PLA2G4C: variants seen among roughly 807,000 people sequenced by gnomAD.
PLA2G4C encodes phospholipase A2 group IVC, also known as cytosolic phospholipase A2 gamma.
Under a neutral mutation model 73.8 loss-of-function variants are expected in PLA2G4C, and 64 were observed. That is an observed-to-expected ratio of 0.87 (90% CI 0.71 to 1.07). PLA2G4C has a LOEUF of 1.07. PLA2G4C is among the 50% of genes least tolerant of loss of function. The probability of loss-of-function intolerance (pLI) is 0.00; values close to 1 mark genes in which losing one functional copy is unlikely to be tolerated. For synonymous variants in PLA2G4C, 254 were observed against 252.1 expected, an observed-to-expected ratio of 1.01 and a Z score of -0.07; for missense variants, 622 against 665.4, an observed-to-expected ratio of 0.93 and a Z score of 0.72.
At chr19:48,051,362 G>A (rs1222616414) in intron 16 of PLA2G4C, among the ~76,000 whole-genome samples, 3 of 152,220 alleles carry the variant, frequency 2.0e-5, no homozygotes, top group Middle Eastern at 3.2e-3. Context: ...ACTGGGTAAC[G>A]TATAAACAAA....
chr19:48,052,723 C>T (rs1351535184), intron 16 of PLA2G4C, among the ~76,000 whole-genome samples: 1 of 152,198 alleles, frequency 6.6e-6, no homozygotes, highest in South Asian at 2.1e-4. Context: ...CCCCCAGCAC[C>T]ATGAGACCAT....
intron 14 of PLA2G4C, among the ~76,000 whole-genome samples, chr19:48,059,764 C>CTTT (rs571325645): frequency 1.6e-5 from 2 of 122,458 alleles, no homozygotes; most frequent in African/African-American, 3.3e-5. Context: ...GGCTTCCCTA[C>CTTT]TTTTTTTTTT....
At position 48,053,045 on chromosome 19, in the gene PLA2G4C, A is replaced by T. The variant is rs773842643; in HGVS notation, c.1532T>A (p.Val511Asp). 1.2e-6 allele frequency: 2 copies of T among 1,613,588 alleles called. No homozygotes were observed. The highest frequency in any genetic ancestry group is 1.7e-6 in the Non-Finnish European group (2 of 1,179,608). The change falls in exon 16 of 17, where the codon GTC becomes GAC. Residue 511 changes from valine to aspartate, a missense_variant. Val to Asp is a radical substitution (Grantham distance 152). Transcript: ENST00000599921. ...AAGGATCTTCTTCTTGTTTTCCCTGACATTCTTCTTGGCTAATGCCAAGAG... is the reference window on the plus strand; with the variant it reads ...AAGGATCTTCTTCTTGTTTTCCCTGTCATTCTTCTTGGCTAATGCCAAGAG... Reference protein sequence around the residue: ...VLLLALAKKNVRENKKKILRE... With the variant: ...VLLLALAKKNDRENKKKILRE...
At chr19:48,087,561 G>A (rs1248514173) in intron 9 of PLA2G4C, among the ~76,000 whole-genome samples, 3 of 152,192 alleles carry the variant, frequency 2.0e-5, no homozygotes, top group Non-Finnish European at 2.9e-5. Context: ...ACTGGATCAC[G>A]AGTGTGTCTG....
intron 14 of PLA2G4C, among the ~76,000 whole-genome samples, chr19:48,060,287 C>G (rs1968121409): frequency 6.6e-6 from 1 of 152,060 alleles, no homozygotes; most frequent in African/African-American, 2.4e-5. Flanking sequence ...ATTTTCCATA[C>G]TCGGTCATTA....
intron 13 of PLA2G4C, among the ~76,000 whole-genome samples, chr19:48,067,329 G>A (rs747732119): frequency 8.6e-5 from 13 of 151,742 alleles, no homozygotes; most frequent in Non-Finnish European, 1.8e-4. Flanking sequence ...CACCCTGTCC[G>A]GCTAATTTTT....
Position 48,055,039 on chromosome 19 carries a change from G to A in PLA2G4C, c.1268C>T (p.Ala423Val). ...SAGDPFETIR[A>V]TTDYCRRHKI... ...GTGGCGGCGGCAGTAGTCAGTGGTA[G>A]CCCGGATGGTCTGAGAAGGAGGCAA... The change falls in exon 15 of 17, where the codon GCT (alanine) becomes GTT (valine). Residue 423 changes from alanine (A) to valine (V), a missense_variant. Transcript: ENST00000599921. The A allele has an allele frequency of 6.2e-7, 1 of 1,607,494 alleles. No homozygotes were observed. The highest frequency in any genetic ancestry group is 8.5e-7 in the Non-Finnish European group (1 of 1,177,336).
intron 10 of PLA2G4C, among the ~76,000 whole-genome samples, chr19:48,082,575 T>A (rs2030658435): frequency 7.2e-6 from 1 of 139,538 alleles, no homozygotes. Context: ...CTCGGCTCAC[T>A]GCAACCCCTG....
intron 16 of PLA2G4C, 85 bp downstream of exon 16, chr19:48,052,912 C>A (rs941221922): frequency 1.4e-6 from 2 of 1,422,834 alleles, no homozygotes; most frequent in Non-Finnish European, 1.9e-6. Flanking sequence ...CCCATGCAAC[C>A]CTCCTGCCTG....
chr19:48,070,022 G>A (rs890268653), intron 12 of PLA2G4C, among the ~76,000 whole-genome samples: 4 of 151,950 alleles, frequency 2.6e-5, no homozygotes, highest in Non-Finnish European at 2.9e-5. Context: ...CACCCACTTC[G>A]GCCTCCCAAA....
chr19:48,089,203 A>G (rs1181213033), intron 8 of PLA2G4C, among the ~76,000 whole-genome samples: 1 of 152,104 alleles, frequency 6.6e-6, no homozygotes, highest in East Asian at 1.9e-4. Context: ...TGAGGCAGTG[A>G]ATCACTTGAG....
intron 12 of PLA2G4C, among the ~76,000 whole-genome samples, chr19:48,069,426 T>A (rs1364120679): frequency 6.6e-6 from 1 of 152,120 alleles, no homozygotes; most frequent in Non-Finnish European, 1.5e-5. Flanking sequence ...GCCAAGTCAG[T>A]CAGGGATAAA....
At chr19:48,086,459 T>C in intron 9 of PLA2G4C, among the ~76,000 whole-genome samples, 1 of 151,740 alleles carries the variant, frequency 6.6e-6, no homozygotes. Context: ...CAGGAGCTGC[T>C]GCTTGCCCTG....
Position 48,048,187 on chromosome 19 carries a change from T to A in PLA2G4C, c.*156A>T. The A allele has an allele frequency of 1.7e-6, 1 of 599,248 alleles. No homozygotes were observed. Among genetic ancestry groups the A allele is most frequent in the South Asian group, 2.1e-5 (1 of 48,198 alleles). The allele number at this position is 599,248 out of a possible 1,614,324, so 37.1% of individuals were successfully genotyped here. A position where few individuals can be genotyped will look rare whatever the true frequency, so the allele number is the denominator to read the frequency against. On this transcript the variant is annotated 3_prime_UTR_variant, in exon 17 of 17. Coordinates refer to ENST00000599921, the MANE Select transcript of PLA2G4C (RefSeq NM_003706.3). ...GAATGACGCTATCAAAATCACAGTC[T>A]AGCTGGTCACTGGTGATTGGCCCTG...
intron 10 of PLA2G4C, among the ~76,000 whole-genome samples, chr19:48,078,177 T>A (rs1230362360): frequency 6.6e-6 from 1 of 152,154 alleles, no homozygotes. Context: ...CCCTTTATGA[T>A]TAAAGCCCTC....
intron 13 of PLA2G4C, among the ~76,000 whole-genome samples, chr19:48,063,046 T>G (rs780923019): frequency 5.9e-5 from 9 of 152,050 alleles, no homozygotes; most frequent in African/African-American, 2.2e-4. Flanking sequence ...AAGTGAATGG[T>G]TGCATTCTTT....
chr19:48,058,011 T>G (rs1234253098), intron 14 of PLA2G4C, among the ~76,000 whole-genome samples: 1 of 151,096 alleles, frequency 6.6e-6, no homozygotes, highest in Non-Finnish European at 1.5e-5. Flanking sequence ...CAAAAAAAAT[T>G]TTTTTGGCCG....
At chr19:48,076,893 A>T (rs2030198806) in intron 11 of PLA2G4C, among the ~76,000 whole-genome samples, 1 of 152,210 alleles carries the variant, frequency 6.6e-6, no homozygotes, top group Non-Finnish European at 1.5e-5. Flanking sequence ...TTTGTGTCTT[A>T]AGCTATAGCA....
In PLA2G4C at chr19:48,095,940, G is replaced by A. The variant is rs1157022410; in HGVS notation, c.569-336C>T. Reference sequence around the variant, plus strand: ...TAGCCACACGATTGCATGGAGGATTGTCTGTGGGCATAAATCTAATGCATG... The same window carrying A: ...TAGCCACACGATTGCATGGAGGATTATCTGTGGGCATAAATCTAATGCATG... On this transcript the variant is annotated intron_variant, in intron 6 of 16. Transcript: ENST00000599921. 2.0e-5 allele frequency among the ~76,000 whole-genome samples: 3 copies of A among 152,152 alleles called. No homozygotes were observed. In the East Asian group the frequency reaches 5.8e-4, roughly 29 times the overall value.
Sources: allele counts gnomAD v4.1 joint callset (sites outside exome capture counted in the v4.1 genomes callset), GRCh38; gene constraint gnomAD v4.1.1; transcripts MANE v1.5; gene names NCBI Gene and HGNC (gene_info 2026-07-23, HGNC 2026-07-21).